RSBN1L: variants seen among roughly 807,000 people sequenced by gnomAD.
RSBN1L encodes round spermatid basic protein 1 like.
A neutral mutation model predicts 67.7 loss-of-function variants in RSBN1L; 30 were observed. The observed-to-expected ratio is 0.44, with a 90% CI of 0.33 to 0.60. RSBN1L has a LOEUF of 0.60. RSBN1L is among the 20% of genes least tolerant of loss of function. The probability of loss-of-function intolerance (pLI) is 0.02; values close to 1 mark genes in which losing one functional copy is unlikely to be tolerated. For synonymous variants in RSBN1L, 433 were observed against 387.0 expected, an observed-to-expected ratio of 1.12 and a Z score of -1.39; for missense variants, 992 against 1,031.7, an observed-to-expected ratio of 0.96 and a Z score of 0.53.
chr7:77,731,012 T>G (rs1392665390), intron 1 of RSBN1L, among the ~76,000 whole-genome samples: 1 of 152,232 alleles, frequency 6.6e-6, no homozygotes, highest in Non-Finnish European at 1.5e-5. Context: ...AGAGTTCCTT[T>G]TGCTCTGTAT....
In RSBN1L at chr7:77,780,829, A is replaced by G. The variant is rs1158381125; in HGVS notation, c.*1661A>G. ...AAGATGAGTAAAACAGACCTCTTTAATGATAGACTCACTATTTGACACTGC... is the reference window on the plus strand; with the variant it reads ...AAGATGAGTAAAACAGACCTCTTTAGTGATAGACTCACTATTTGACACTGC... On this transcript the variant is annotated 3_prime_UTR_variant, in exon 8 of 8. Coordinates refer to ENST00000334955, the MANE Select transcript of RSBN1L (RefSeq NM_198467.3). The G allele has an allele frequency of 1.3e-5, 2 of 152,246 alleles. No homozygotes were observed. The highest frequency in any genetic ancestry group is 2.4e-5 in the African/African-American group (1 of 41,472). 9.4% of individuals were successfully genotyped at this position (152,246 alleles called of 1,614,324 possible). A position where few individuals can be genotyped will look rare whatever the true frequency, so the allele number is the denominator to read the frequency against.
intron 2 of RSBN1L, among the ~76,000 whole-genome samples, chr7:77,742,055 C>T (rs1342968237): frequency 1.3e-5 from 2 of 151,346 alleles, no homozygotes; most frequent in Non-Finnish European, 2.9e-5. Context: ...GGAGGACAGG[C>T]ATGGTGGCTC....
chr7:77,772,975 A>T (rs1023791753), intron 5 of RSBN1L, among the ~76,000 whole-genome samples, 172 bp from the exon 6 acceptor site: 9 of 152,206 alleles, frequency 5.9e-5, no homozygotes, highest in Non-Finnish European at 8.8e-5. Flanking sequence ...AAGGTATATT[A>T]GAAAAATGAG....
chr7:77,740,980 CTTTTCTT>C (rs1791401462), intron 2 of RSBN1L, among the ~76,000 whole-genome samples: 1 of 131,810 alleles, frequency 7.6e-6, no homozygotes, highest in Non-Finnish European at 1.6e-5. Context: ...TTTTTCTTTT[CTTTTCTT>C]TTTTTTTTTT....
rs992350938 is a variant in RSBN1L at position 77,779,784 on chromosome 7, A to G, written c.*616A>G. The G allele has an allele frequency of 5.4e-5, 8 of 149,480 alleles. No individual in the cohort carries two copies. Among genetic ancestry groups the G allele is most frequent in the Non-Finnish European group, 1.0e-4 (7 of 67,440 alleles). 9.3% of individuals were successfully genotyped at this position (149,480 alleles called of 1,614,324 possible). On this transcript the variant is annotated 3_prime_UTR_variant, in exon 8 of 8. Coordinates refer to ENST00000334955, the MANE Select transcript of RSBN1L (RefSeq NM_198467.3). ...GTGCAAATGTACGTAATTCAAATCT[A>G]GTAAATATTTAAGTTCCTCACACTG...
chr7:77,716,750 A>C (rs536123930), intron 1 of RSBN1L, among the ~76,000 whole-genome samples: 1 of 145,918 alleles, frequency 6.9e-6, no homozygotes, highest in Admixed American at 7.0e-5. Flanking sequence ...TCCTGCCTCA[A>C]CCTCCCGAGT....
chr7:77,716,232 T>C (rs1791046071), intron 1 of RSBN1L, among the ~76,000 whole-genome samples: 1 of 152,206 alleles, frequency 6.6e-6, no homozygotes, highest in African/African-American at 2.4e-5. Context: ...GTTTCACATT[T>C]AGGTCCGCAA....
At chr7:77,701,590 AT>A (rs1273257284) in intron 1 of RSBN1L, among the ~76,000 whole-genome samples, 2 of 146,200 alleles carry the variant, frequency 1.4e-5, no homozygotes, top group East Asian at 2.0e-4. Flanking sequence ...TAATTTATAT[AT>A]TTTTTTCTTT....
chr7:77,778,284 T>A (rs1791945107), intron 6 of RSBN1L, 54 bp from the exon 7 acceptor site: 2 of 1,250,582 alleles, frequency 1.6e-6, no homozygotes, highest in Non-Finnish European at 2.3e-6. Context: ...TAATAAGGAC[T>A]CAAAAGAGTG....
chr7:77,699,948 C>T (rs1325256491), intron 1 of RSBN1L, among the ~76,000 whole-genome samples: 1 of 152,114 alleles, frequency 6.6e-6, no homozygotes, highest in East Asian at 1.9e-4. Context: ...AGGCACTCGC[C>T]AACACGCCTG....
At chr7:77,717,668 C>T (rs1316483910) in intron 1 of RSBN1L, among the ~76,000 whole-genome samples, 1 of 152,048 alleles carries the variant, frequency 6.6e-6, no homozygotes. Context: ...AGTTAAATAC[C>T]ATAAGTAGAA....
intron 1 of RSBN1L, among the ~76,000 whole-genome samples, chr7:77,711,710 A>G (rs1481097904): frequency 1.3e-5 from 2 of 152,178 alleles, no homozygotes; most frequent in African/African-American, 4.8e-5. Flanking sequence ...AGGAGGGAAT[A>G]CTTTTTCTTA....
intron 1 of RSBN1L, among the ~76,000 whole-genome samples, chr7:77,724,188 TGGAG>T (rs1196242703): frequency 6.6e-6 from 1 of 152,108 alleles, no homozygotes; most frequent in Non-Finnish European, 1.5e-5. Flanking sequence ...ACAGTTTTAA[TGGAG>T]GGAGACCTTT....
At position 77,725,244 on chromosome 7, in the gene RSBN1L, C is replaced by CTTTTTTTTTTTTTTTTTTTTTTTTTT. The variant is rs779531960; in HGVS notation, c.587-11145_587-11144insTTTTTTTTTTTTTTTTTTTTTTTTTT. ...TTCTTCCCTAGGGATAAGCCCCCCA[C>CTTTTTTTTTTTTTTTTTTTTTTTTTT]TTTTTTTTTTTTTTTTTTTTTGAGA... On this transcript the variant is annotated intron_variant, in intron 1 of 7. Coordinates refer to ENST00000334955, the MANE Select transcript of RSBN1L (RefSeq NM_198467.3). 6.0e-4 allele frequency among the ~76,000 whole-genome samples: 44 copies of CTTTTTTTTTTTTTTTTTTTTTTTTTT among 73,642 alleles called. 5 individuals are homozygous for CTTTTTTTTTTTTTTTTTTTTTTTTTT. The highest frequency in any genetic ancestry group is 1.1e-3 in the South Asian group (2 of 1,806). The allele number at this position is 73,642 out of a possible 152,430, so 48.3% of individuals were successfully genotyped here.
intron 1 of RSBN1L, among the ~76,000 whole-genome samples, chr7:77,725,502 C>A (rs1326955085): frequency 6.7e-6 from 1 of 149,490 alleles, no homozygotes; most frequent in Non-Finnish European, 1.5e-5. Flanking sequence ...CTGCCTCGGC[C>A]TCCCATAGTG....
intron 1 of RSBN1L, among the ~76,000 whole-genome samples, chr7:77,726,323 C>T (rs1791202772): frequency 6.6e-6 from 1 of 152,126 alleles, no homozygotes; most frequent in Non-Finnish European, 1.5e-5. Context: ...ATCATCATGT[C>T]TCGTTAGATT....
intron 1 of RSBN1L, among the ~76,000 whole-genome samples, chr7:77,722,323 A>T (rs1791130363): frequency 6.6e-6 from 1 of 152,054 alleles, no homozygotes; most frequent in African/African-American, 2.4e-5. Flanking sequence ...AAGAGAGAGG[A>T]ATGCCTAGGA....
chr7:77,735,598 T>C (rs1791323687), intron 1 of RSBN1L, among the ~76,000 whole-genome samples: 1 of 152,180 alleles, frequency 6.6e-6, no homozygotes, highest in African/African-American at 2.4e-5. Flanking sequence ...TAATCTCTAC[T>C]ATATTCCAGG....
At chr7:77,735,081 C>G (rs1017637374) in intron 1 of RSBN1L, among the ~76,000 whole-genome samples, 4 of 149,234 alleles carry the variant, frequency 2.7e-5, no homozygotes, top group Non-Finnish European at 4.4e-5. Context: ...AACACTTTGT[C>G]AGTGTTATAG....
Sources: gnomAD v4.1 joint callset for allele counts (sites outside exome capture counted in the v4.1 genomes callset) on GRCh38, gnomAD v4.1.1 for gene constraint, MANE v1.5 for transcripts, NCBI Gene and HGNC (gene_info 2026-07-23, HGNC 2026-07-21) for gene names.